Variants in KHNYN observed in about 807,000 individuals in gnomAD.
KHNYN encodes the protein protein KHNYN.
Under a neutral mutation model 62.7 loss-of-function variants are expected in KHNYN, and 42 were observed. The observed-to-expected ratio is 0.67, with a 90% confidence interval of 0.52 to 0.87. The LOEUF (loss-of-function observed/expected upper bound fraction) is 0.87, where lower values mean the gene tolerates loss of function less well. Among genes scored for constraint, KHNYN ranks in the 40% least tolerant of loss-of-function variants. The pLI, the probability that KHNYN is intolerant of heterozygous loss-of-function variation, is 0.00. For missense variants in KHNYN, 829 were observed against 874.1 expected (o/e 0.95, Z 0.65); for synonymous variants, 347 against 345.6 (o/e 1.00, Z -0.04).
Position 24,441,203 on chromosome 14 carries a change from C to T in KHNYN, c.*3918C>T, listed in dbSNP as rs2043328699. 7.6e-6 allele frequency: 4 copies of T among 529,646 alleles called. No individual in the cohort carries two copies. Among genetic ancestry groups the T allele is most frequent in the Non-Finnish European group, 1.4e-5 (4 of 296,090 alleles). 32.8% of individuals were successfully genotyped at this position (529,646 alleles called of 1,614,324 possible). Reference sequence around the variant, plus strand: ...GCGCCTGAATTTTAATCAGCTCCCTCATTTATTAACTCTCTGACTTGATGC... The same window carrying T: ...GCGCCTGAATTTTAATCAGCTCCCTTATTTATTAACTCTCTGACTTGATGC... On this transcript the variant is annotated 3_prime_UTR_variant, in exon 8 of 8. Coordinates refer to ENST00000553935, the MANE Select transcript of KHNYN (RefSeq NM_015299.3).
rs372548430 is a variant in KHNYN, at chr14:24,432,297, C to A, written c.1036C>A (p.Arg346=). ...AQSRGASLLQ[R]LHNGNASPPR... Reference sequence around the variant, plus strand: ...GTCCCGAGGAGCCTCCCTCCTCCAGCGGCTCCACAATGGGAATGCCTCTCC... The same window carrying A: ...GTCCCGAGGAGCCTCCCTCCTCCAGAGGCTCCACAATGGGAATGCCTCTCC... Residue 346 remains arginine (R), a synonymous_variant, in exon 3 of 8, where the codon CGG becomes AGG. Coordinates refer to ENST00000553935, the MANE Select transcript of KHNYN (RefSeq NM_015299.3). This position sits in a 1 kb window ranked among gnomAD's most constrained non-coding sequence, Gnocchi z 5.6. 1 of 1,614,008 alleles carries A rather than the reference C, an allele frequency of 6.2e-7. No homozygotes were observed. Among genetic ancestry groups the A allele is most frequent in the Non-Finnish European group, 8.5e-7 (1 of 1,179,926 alleles).
chr14:24,432,819 C>T lies in KHNYN; in HGVS notation c.1447C>T (p.Gln483Ter). The change falls in exon 4 of 8, where the codon CAG becomes TAG. Residue 483 changes from glutamine (Q) to a stop codon, truncating the protein, a stop_gained. Coordinates refer to ENST00000553935, the MANE Select transcript of KHNYN (RefSeq NM_015299.3). LOFTEE classifies it high-confidence loss of function. The surrounding 1 kb of genome is among the most constrained non-coding windows in gnomAD (Gnocchi z 5.6). ...CCGTGACATAACTGTCTTTGTGCCT[C>T]AGTGGCGCTTCAGTAAGGATGCCAA... ...GHRDITVFVP[Q>*]WRFSKDAKVR... 1 of 1,614,230 alleles carries T rather than the reference C, an allele frequency of 6.2e-7. No individual in the cohort carries two copies. The highest frequency in any genetic ancestry group is 8.5e-7 in the Non-Finnish European group (1 of 1,180,038).
chr14:24,423,651 C>A, the KHNYN span, among the ~76,000 whole-genome samples: 2 of 152,200 alleles, frequency 1.3e-5, no homozygotes, highest in Non-Finnish European at 2.9e-5. Flanking sequence ...AGATGAGGGG[C>A]AGCTGGCAAA....
At chr14:24,428,036 A>G, upstream of KHNYN, 1 of 1,557,704 alleles carries the variant, frequency 6.4e-7, no homozygotes, top group South Asian at 1.1e-5. Context: ...TTAGCTCAGG[A>G]CCCCCCACTT....
intron 5 of KHNYN, among the ~76,000 whole-genome samples, chr14:24,435,073 A>T (rs1351054909): frequency 6.6e-6 from 1 of 152,204 alleles, no homozygotes; most frequent in East Asian, 1.9e-4. Context: ...CCATCACTTC[A>T]TGAGTCCTAC....
chr14:24,424,947 C>A (rs1022271555), upstream of KHNYN, among the ~76,000 whole-genome samples: 1 of 152,174 alleles, frequency 6.6e-6, no homozygotes, highest in Non-Finnish European at 1.5e-5. Flanking sequence ...TACTTTGTGG[C>A]CAGATGTGGT....
chr14:24,428,009 C>A, upstream of KHNYN: 2 of 1,604,630 alleles, frequency 1.2e-6, no homozygotes, highest in Non-Finnish European at 1.7e-6. Flanking sequence ...GCCCAGTTAG[C>A]CCCCATTCCC....
chr14:24,423,951 G>A, the KHNYN span, among the ~76,000 whole-genome samples: 1 of 152,132 alleles, frequency 6.6e-6, no homozygotes, highest in Non-Finnish European at 1.5e-5. Context: ...CTAAATATTT[G>A]AACACGATTT....
At position 24,438,500 on chromosome 14, in the gene KHNYN, T is replaced by C. The variant is rs2043242721; in HGVS notation, c.*1215T>C. On this transcript the variant is annotated 3_prime_UTR_variant, in exon 8 of 8. Coordinates refer to ENST00000553935, the MANE Select transcript of KHNYN (RefSeq NM_015299.3). ...TATCTGGAAAATGAAAGAACCAGAG[T>C]TGGAAGGCACTTGACTGGCCACCAG... 2 of 152,140 alleles carry C rather than the reference T, an allele frequency of 1.3e-5. 1 individual carries two copies. The highest frequency in any genetic ancestry group is 4.8e-5 in the African/African-American group (2 of 41,490). 9.4% of individuals were successfully genotyped at this position (152,140 alleles called of 1,614,324 possible).
At chr14:24,427,537 G>T, upstream of KHNYN, 1 of 517,806 alleles carries the variant, frequency 1.9e-6, no homozygotes, top group East Asian at 3.5e-5. The surrounding 1 kb of genome is among the most constrained non-coding windows in gnomAD (Gnocchi z 4.4). Flanking sequence ...CCTGATCCTA[G>T]GGCTGCAGGC....
upstream of KHNYN, among the ~76,000 whole-genome samples, chr14:24,428,577 C>T (rs1409323010): frequency 6.8e-6 from 1 of 147,394 alleles, no homozygotes; most frequent in African/African-American, 2.5e-5. Context: ...GAGAGGGCTG[C>T]GTATGGGTGG....
intron 6 of KHNYN, 35 bp from the exon 7 acceptor site, chr14:24,436,353 C>G (rs756976794): frequency 4.4e-6 from 7 of 1,579,796 alleles, no homozygotes; most frequent in Non-Finnish European, 6.1e-6. Context: ...GGCAAGGGCC[C>G]CCTCTGTGAC....
At position 24,432,216 on chromosome 14, in the gene KHNYN, T is replaced by C. The variant is rs1456821068; in HGVS notation, c.955T>C (p.Phe319Leu). 1.9e-6 allele frequency: 3 copies of C among 1,599,352 alleles called. No homozygotes were observed. The highest frequency in any genetic ancestry group is 2.6e-6 in the Non-Finnish European group (3 of 1,171,780). The change falls in exon 3 of 8, where the codon TTC becomes CTC. Residue 319 changes from phenylalanine (F) to leucine (L), a missense_variant. By Grantham distance (22) the Phe-to-Leu change is conservative (BLOSUM62 0). This residue lies in a region of KHNYN where 559 missense variants were observed against 527.0 expected (regional missense o/e 1.06). Coordinates refer to ENST00000553935, the MANE Select transcript of KHNYN (RefSeq NM_015299.3). This position sits in a 1 kb window ranked among gnomAD's most constrained non-coding sequence, Gnocchi z 5.6. ...GGAGATAGCTCTGGGAGGAGGAGGG[T>C]TCTGTGTCCACCGTGAGCCTCCCGG... The part of the protein sequence containing the change: ...KEEIALGGGG[F>L]CVHREPPGAH...
chr14:24,431,390 C>A (rs760474526), intron 2 of KHNYN, 73 bp from the exon 3 acceptor site: 1 of 1,238,870 alleles, frequency 8.1e-7, no homozygotes, highest in Middle Eastern at 2.1e-4. Flanking sequence ...AGCTCAGGAG[C>A]GAGCAAGGAG....
chr14:24,433,505 C>T (rs1455559857), intron 5 of KHNYN, among the ~76,000 whole-genome samples: 1 of 152,186 alleles, frequency 6.6e-6, no homozygotes, highest in Non-Finnish European at 1.5e-5. Context: ...AGAAAGATCA[C>T]TGGATTTAGA....
Position 24,437,276 on chromosome 14 carries a change from T to A in KHNYN, c.2028T>A (p.Leu676=). Residue 676 remains leucine (L), a synonymous_variant, in exon 8 of 8, where the codon CTT becomes CTA. Coordinates refer to ENST00000553935, the MANE Select transcript of KHNYN (RefSeq NM_015299.3). This position sits in a 1 kb window ranked among gnomAD's most constrained non-coding sequence, Gnocchi z 5.5. The part of the protein sequence containing the change: ...INQLSEALLS[L]NF ...AACTGTCTGAGGCCCTGCTCAGTCT[T>A]AACTTTTGAGCCTCACCTGCTTGAG... is the stretch of plus-strand genomic sequence containing the variant. The A allele has an allele frequency of 6.2e-7, 1 of 1,611,620 alleles. No individual in the cohort carries two copies. The highest frequency in any genetic ancestry group is 8.5e-7 in the Non-Finnish European group (1 of 1,177,952).
intron 7 of KHNYN, 140 bp from the exon 8 acceptor site, chr14:24,436,896 C>G: frequency 8.9e-7 from 1 of 1,125,422 alleles, no homozygotes; most frequent in Non-Finnish European, 1.3e-6. Context: ...GATACTGCCA[C>G]TCAGTGGTCA....
At chr14:24,427,635 C>A (rs573834366), upstream of KHNYN, 93 of 742,274 alleles carry the variant, frequency 1.3e-4, no homozygotes, top group African/African-American at 1.3e-3. This position sits in a 1 kb window ranked among gnomAD's most constrained non-coding sequence, Gnocchi z 4.4. Flanking sequence ...CTCTACTCTT[C>A]TCTTAAACTT....
Position 24,440,950 on chromosome 14 carries a change from G to T in KHNYN, c.*3665G>T. The T allele has an allele frequency of 6.2e-7, 1 of 1,613,866 alleles. No homozygotes were observed. The highest frequency in any genetic ancestry group is 8.5e-7 in the Non-Finnish European group (1 of 1,179,794). ...AGCTGCCGGTGGAACACAATCATTTGCCCTGGGTGTCCTTGGTCCTGCCTG... is the reference window on the plus strand; with the variant it reads ...AGCTGCCGGTGGAACACAATCATTTTCCCTGGGTGTCCTTGGTCCTGCCTG... On this transcript the variant is annotated 3_prime_UTR_variant, in exon 8 of 8. Transcript: ENST00000553935.
Sources: gnomAD v4.1 joint callset for allele counts (sites outside exome capture counted in the v4.1 genomes callset) on GRCh38, gnomAD v4.1.1 for gene constraint, gnomAD v4.1.1 regional missense constraint, Gnocchi (gnomAD v3.1) non-coding constraint, MANE v1.5 for transcripts, NCBI Gene and HGNC (gene_info 2026-07-23, HGNC 2026-07-21) for gene names.